ACOXL: variants seen among roughly 807,000 people sequenced by gnomAD.
ACOXL encodes the protein acyl-coenzyme A oxidase-like protein.
Under a neutral mutation model 71.9 loss-of-function variants are expected in ACOXL, and 70 were observed. The observed-to-expected ratio is 0.97, with a 90% CI of 0.80 to 1.19. The LOEUF (loss-of-function observed/expected upper bound fraction) is 1.19, where lower values mean the gene tolerates loss of function less well. Ranked by LOEUF, ACOXL falls within the 50% of genes most tolerant of loss-of-function variation. ACOXL has a pLI of 0.00. For synonymous variants in ACOXL, 253 were observed against 281.6 expected (o/e 0.90, Z 1.02); for missense variants, 703 against 736.3 (o/e 0.95, Z 0.52).
At chr2:110,961,065 A>T (rs2149447115) in intron 12 of ACOXL, among the ~76,000 whole-genome samples, 1 of 152,336 alleles carries the variant, frequency 6.6e-6, no homozygotes, top group African/African-American at 2.4e-5. Flanking sequence ...GATCATAAAT[A>T]CACCTTGTTA....
chr2:110,767,368 A>C (rs1167986024), intron 1 of ACOXL, among the ~76,000 whole-genome samples: 2 of 152,178 alleles, frequency 1.3e-5, no homozygotes, highest in Non-Finnish European at 1.5e-5. Context: ...CCCTCAGAAC[A>C]AAGGCAGTCA....
At chr2:110,997,900 A>G (rs1329261587) in intron 14 of ACOXL, among the ~76,000 whole-genome samples, 2 of 151,902 alleles carry the variant, frequency 1.3e-5, no homozygotes, top group Non-Finnish European at 2.9e-5. Flanking sequence ...AATACAAAGA[A>G]ATTAGCCAGG....
intron 17 of ACOXL, among the ~76,000 whole-genome samples, chr2:111,111,161 A>G (rs1467924932): frequency 1.3e-5 from 2 of 152,078 alleles, no homozygotes; most frequent in East Asian, 3.8e-4. Flanking sequence ...GTGCAGTGGC[A>G]TGATCTTGGC....
chr2:110,826,858 G>A, intron 9 of ACOXL, among the ~76,000 whole-genome samples: 1 of 148,940 alleles, frequency 6.7e-6, no homozygotes, highest in Admixed American at 6.8e-5. Flanking sequence ...TTAGTGTACA[G>A]TTCACCTGTA....
At chr2:110,916,203 C>T (rs2059854526) in intron 11 of ACOXL, among the ~76,000 whole-genome samples, 1 of 150,334 alleles carries the variant, frequency 6.7e-6, no homozygotes, top group Non-Finnish European at 1.5e-5. Flanking sequence ...AATGTCACTT[C>T]TTTTATTTGT....
At position 110,981,282 on chromosome 2, in the gene ACOXL, C is replaced by T. The variant is rs181091242; in HGVS notation, c.1060-5826C>T. 2.3e-3 allele frequency among the ~76,000 whole-genome samples: 349 copies of T among 152,286 alleles called. 2 individuals carry two copies. Among genetic ancestry groups the T allele is most frequent in the African/African-American group, 7.4e-3 (309 of 41,554 alleles). ...CTGAGGCAGGAGAATCGCTTGAACCCGGGAAGTGGAGGTTGCAGTGAGCTG... is the reference window on the plus strand; with the variant it reads ...CTGAGGCAGGAGAATCGCTTGAACCTGGGAAGTGGAGGTTGCAGTGAGCTG... On this transcript the variant is annotated intron_variant, in intron 12 of 17. Transcript: ENST00000439055.
At chr2:110,997,463 C>T (rs2063448746) in intron 14 of ACOXL, among the ~76,000 whole-genome samples, 1 of 152,160 alleles carries the variant, frequency 6.6e-6, no homozygotes, top group African/African-American at 2.4e-5. Context: ...AGGCTAGCTG[C>T]TGTCATTCAC....
rs577800225 is a variant in ACOXL at position 110,740,761 on chromosome 2, T to C, written c.-23+7987T>C. ...GACAGGATCCCTGTCAGCCATCATT[T>C]AGGGACCTGATAGTGGGGAATCCAC... On this transcript the variant is annotated intron_variant, in intron 1 of 17. Transcript: ENST00000439055. 2.6e-5 allele frequency among the ~76,000 whole-genome samples: 4 copies of C among 152,370 alleles called. No homozygotes were observed. The South Asian group carries it at 8.3e-4, about 32-fold the overall frequency.
chr2:110,956,161 C>T (rs186574632), intron 12 of ACOXL, among the ~76,000 whole-genome samples: 171 of 152,040 alleles, frequency 1.1e-3, no homozygotes, highest in Admixed American at 3.7e-3. Context: ...CTCCTGACCT[C>T]GTGAACCACC....
chr2:110,823,388 A>G (rs776888387), intron 9 of ACOXL, among the ~76,000 whole-genome samples: 12 of 152,132 alleles, frequency 7.9e-5, no homozygotes, highest in Non-Finnish European at 1.3e-4. Context: ...GGTTGCTTCC[A>G]GTTTTTGGTG....
chr2:110,973,745 C>G (rs2062319627), intron 12 of ACOXL, among the ~76,000 whole-genome samples: 1 of 152,108 alleles, frequency 6.6e-6, no homozygotes, highest in South Asian at 2.1e-4. Flanking sequence ...GGGATTCAGG[C>G]AGAGAGTCAT....
intron 17 of ACOXL, among the ~76,000 whole-genome samples, chr2:111,111,352 G>A (rs773211341): frequency 2.9e-4 from 44 of 151,992 alleles, no homozygotes; most frequent in Non-Finnish European, 4.4e-4. Flanking sequence ...CACCCACCTC[G>A]GCCTCCCAAA....
At chr2:110,783,918 A>G (rs779500188) in intron 2 of ACOXL, among the ~76,000 whole-genome samples, 2 of 152,206 alleles carry the variant, frequency 1.3e-5, no homozygotes, top group South Asian at 2.1e-4. Flanking sequence ...TGTTTTTGCC[A>G]TGCCTCATTT....
intron 15 of ACOXL, among the ~76,000 whole-genome samples, chr2:111,037,083 A>G (rs901003042): frequency 5.3e-5 from 8 of 152,208 alleles, no homozygotes; most frequent in Non-Finnish European, 1.2e-4. Flanking sequence ...ACTGCCCAAC[A>G]TGCTAGTAGC....
At chr2:111,091,761 C>G (rs568616031) in intron 16 of ACOXL, among the ~76,000 whole-genome samples, 1 of 152,258 alleles carries the variant, frequency 6.6e-6, no homozygotes, top group East Asian at 1.9e-4. Flanking sequence ...AAATATCTTT[C>G]ATAAATAAGC....
chr2:110,896,191 AT>A (rs1375505245), intron 10 of ACOXL, among the ~76,000 whole-genome samples: 1 of 152,154 alleles, frequency 6.6e-6, no homozygotes, highest in East Asian at 1.9e-4. Context: ...AGTTATGTAT[AT>A]AACATTGTAA....
At chr2:111,031,505 T>A in intron 14 of ACOXL, 122 bp from the exon 15 acceptor site, 1 of 815,886 alleles carries the variant, frequency 1.2e-6, no homozygotes, top group Non-Finnish European at 2.0e-6. Context: ...TACAGAAGGT[T>A]CTGCACTGTG....
chr2:110,738,203 A>G (rs959472975), intron 1 of ACOXL, among the ~76,000 whole-genome samples: 6 of 152,270 alleles, frequency 3.9e-5, no homozygotes, highest in Non-Finnish European at 5.9e-5. Flanking sequence ...CTGCTTCAGC[A>G]GACAGCTATT....
chr2:110,909,328 G>A (rs576610146), intron 11 of ACOXL, among the ~76,000 whole-genome samples: 3 of 152,200 alleles, frequency 2.0e-5, no homozygotes, highest in Non-Finnish European at 2.9e-5. Flanking sequence ...GGGGAGGCAG[G>A]GAGTGAGGAG....
Sources: allele counts gnomAD v4.1 joint callset (sites outside exome capture counted in the v4.1 genomes callset), GRCh38; gene constraint gnomAD v4.1.1; transcripts MANE v1.5; gene names NCBI Gene and HGNC (gene_info 2026-07-23, HGNC 2026-07-21).